Variants in ENTREP2 observed in about 807,000 individuals in gnomAD.
The protein encoded by ENTREP2 is endosomal transmembrane epsin interactor 2.
At chr15:29,252,961 A>G in the ENTREP2 span, among the ~76,000 whole-genome samples, 1 of 152,244 alleles carries the variant, frequency 6.6e-6, no homozygotes, top group Non-Finnish European at 1.5e-5. Flanking sequence ...CTTACGGCCA[A>G]CTGTGTTTCA....
chr15:29,310,964 T>G, the ENTREP2 span, among the ~76,000 whole-genome samples: 3 of 151,940 alleles, frequency 2.0e-5, no homozygotes, highest in African/African-American at 4.8e-5. Context: ...AGAGTAGACA[T>G]GAGTGAAAAT....
the ENTREP2 span, among the ~76,000 whole-genome samples, chr15:29,359,455 C>G: frequency 6.6e-6 from 1 of 152,248 alleles, no homozygotes; most frequent in African/African-American, 2.4e-5. Flanking sequence ...CTCTGTCCCC[C>G]AGGCTGGAGC....
the ENTREP2 span, among the ~76,000 whole-genome samples, chr15:29,252,188 TTGTTATCTAAC>T: frequency 6.6e-6 from 1 of 152,210 alleles, no homozygotes; most frequent in Non-Finnish European, 1.5e-5. Context: ...AGTAAGTGAA[TTGTTATCTAAC>T]TTATAGAAAT....
the ENTREP2 span, among the ~76,000 whole-genome samples, chr15:29,485,103 C>T: frequency 6.6e-6 from 1 of 152,174 alleles, no homozygotes; most frequent in Non-Finnish European, 1.5e-5. Context: ...TCCAAGGGTC[C>T]ATCCTCCACA....
chr15:29,233,880 G>A, the ENTREP2 span: 1 of 1,579,470 alleles, frequency 6.3e-7, no homozygotes, highest in East Asian at 2.2e-5. Context: ...AAATGAGCCT[G>A]AGCTGACATT....
chr15:29,231,057 A>G, the ENTREP2 span, among the ~76,000 whole-genome samples: 1 of 152,168 alleles, frequency 6.6e-6, no homozygotes, highest in Admixed American at 6.5e-5. Flanking sequence ...AGTTATCTTT[A>G]GGTAATGTGA....
chr15:29,283,902 G>A, the ENTREP2 span, among the ~76,000 whole-genome samples: 1 of 152,100 alleles, frequency 6.6e-6, no homozygotes, highest in African/African-American at 2.4e-5. Flanking sequence ...TAGAGGTACT[G>A]TATAAAAGAA....
At chr15:29,600,436 C>CCACCATCATCAT in the ENTREP2 span, among the ~76,000 whole-genome samples, 4 of 103,752 alleles carry the variant, frequency 3.9e-5, no homozygotes, top group Non-Finnish European at 5.7e-5. Context: ...CAGTTCTCTC[C>CCACCATCATCAT]CACCATCATC....
At chr15:29,356,963 C>T in the ENTREP2 span, among the ~76,000 whole-genome samples, 1 of 152,048 alleles carries the variant, frequency 6.6e-6, no homozygotes, top group Non-Finnish European at 1.5e-5. Context: ...GGGGCCCTTC[C>T]TCCTCACAGG....
the ENTREP2 span, among the ~76,000 whole-genome samples, chr15:29,248,206 G>C: frequency 6.6e-6 from 1 of 151,976 alleles, no homozygotes; most frequent in African/African-American, 2.4e-5. Context: ...TCAATTCATC[G>C]AGTAGACTGT....
the ENTREP2 span, among the ~76,000 whole-genome samples, chr15:29,474,774 C>T: frequency 2.6e-5 from 4 of 152,176 alleles, no homozygotes; most frequent in South Asian, 8.3e-4. Context: ...AGGCTGGTCT[C>T]GAACTCCTGA....
the ENTREP2 span, among the ~76,000 whole-genome samples, chr15:29,527,133 G>A: frequency 2.6e-5 from 4 of 152,066 alleles, no homozygotes; most frequent in African/African-American, 9.7e-5. Context: ...CTGCTCTCCT[G>A]AGCTTCTAAA....
At chr15:29,504,618 C>G in the ENTREP2 span, among the ~76,000 whole-genome samples, 4 of 152,278 alleles carry the variant, frequency 2.6e-5, no homozygotes, top group Non-Finnish European at 5.9e-5. Flanking sequence ...AATTCTGCCT[C>G]GTGCTTTTAT....
At chr15:29,377,865 A>AATAATAATAATAATAATAAT in the ENTREP2 span, among the ~76,000 whole-genome samples, 1 of 55,612 alleles carries the variant, frequency 1.8e-5, no homozygotes, top group South Asian at 9.6e-4. Context: ...ATAATAATAA[A>AATAATAATAATAATAATAAT]AAAATGAGCC....
At chr15:29,483,953 T>G in the ENTREP2 span, among the ~76,000 whole-genome samples, 1 of 152,248 alleles carries the variant, frequency 6.6e-6, no homozygotes. Context: ...TACAAAAACT[T>G]TCACACTATG....
chr15:29,259,504 C>T, the ENTREP2 span, among the ~76,000 whole-genome samples: 2 of 152,236 alleles, frequency 1.3e-5, no homozygotes, highest in Non-Finnish European at 1.5e-5. Context: ...ACCCTGTGTC[C>T]CAGCATCTGT....
At chr15:29,403,298 C>A in the ENTREP2 span, among the ~76,000 whole-genome samples, 1 of 152,090 alleles carries the variant, frequency 6.6e-6, no homozygotes, top group South Asian at 2.1e-4. Context: ...CCTCTGCCCC[C>A]CTCCCTTTCT....
At chr15:29,432,488 C>T in the ENTREP2 span, among the ~76,000 whole-genome samples, 1 of 152,224 alleles carries the variant, frequency 6.6e-6, no homozygotes, top group Non-Finnish European at 1.5e-5. Flanking sequence ...ATGTCTTCTT[C>T]CCCACATTTG....
At chr15:29,208,912 A>C in the ENTREP2 span, among the ~76,000 whole-genome samples, 1 of 152,202 alleles carries the variant, frequency 6.6e-6, no homozygotes, top group Non-Finnish European at 1.5e-5. Flanking sequence ...TGAATGAAAA[A>C]AGCAAGAAAT....
Sources: gnomAD v4.1 joint callset for allele counts (sites outside exome capture counted in the v4.1 genomes callset) on GRCh38, gnomAD v4.1.1 for gene constraint, MANE v1.5 for transcripts, NCBI Gene and HGNC (gene_info 2026-07-23, HGNC 2026-07-21) for gene names.